ERC2: variants seen among roughly 807,000 people sequenced by gnomAD.
The protein encoded by ERC2 is ELKS/RAB6-interacting/CAST family member 2.
A neutral mutation model predicts 114.8 loss-of-function variants in ERC2; 42 were observed. The ratio of observed to expected loss-of-function variants is 0.37; its 90% CI spans 0.29 to 0.47. The LOEUF is 0.47. Ranked by LOEUF, ERC2 falls within the 20% of genes least tolerant of loss-of-function variation. The probability of loss-of-function intolerance (pLI) is 0.99; values close to 1 mark genes in which losing one functional copy is unlikely to be tolerated. For synonymous variants in ERC2, 454 were observed against 425.5 expected (o/e 1.07, Z -0.82); for missense variants, 939 against 1,150.7 (o/e 0.82, Z 2.66).
At chr3:56,018,138 C>T (rs1420357524) in intron 8 of ERC2, among the ~76,000 whole-genome samples, 2 of 152,182 alleles carry the variant, frequency 1.3e-5, no homozygotes, top group East Asian at 1.9e-4. Context: ...GATAACATTA[C>T]ATCTACTATT....
intron 3 of ERC2, 30 bp downstream of exon 3, chr3:56,295,989 G>A: frequency 1.3e-6 from 2 of 1,525,446 alleles, no homozygotes; most frequent in Non-Finnish European, 1.8e-6. Context: ...ATAAATTAAG[G>A]CTTTGGGGAA....
Position 55,950,430 on chromosome 3 carries a change from A to C in ERC2, c.2398T>G (p.Leu800Val). 6.2e-7 allele frequency: 1 copy of C among 1,614,016 alleles called. No individual in the cohort carries two copies. Among genetic ancestry groups the C allele is most frequent in the Non-Finnish European group, 8.5e-7 (1 of 1,179,892 alleles). Residue 800 changes from leucine (L) to valine (V), a missense_variant, in exon 13 of 18, where the codon TTG becomes GTG. Around this residue, in one of 5 missense-constraint regions of ERC2, gnomAD observed 328 missense variants for 353.9 expected, o/e 0.93. Transcript: ENST00000288221. ...GAAGAGAAGCCTGTGCTTACCTGCAAATGCTGTGAGTTGTCAGCCATGCTG... is the reference window on the plus strand; with the variant it reads ...GAAGAGAAGCCTGTGCTTACCTGCACATGCTGTGAGTTGTCAGCCATGCTG... ...EDSMADNSQH[L>V]QIEELMNALE...
chr3:56,222,159 G>A (rs1442291591), intron 3 of ERC2, among the ~76,000 whole-genome samples: 1 of 152,170 alleles, frequency 6.6e-6, no homozygotes, highest in Admixed American at 6.5e-5. Flanking sequence ...GAAAATTACT[G>A]AGGGTACTAC....
In ERC2 at chr3:56,338,360, CTT is replaced by C. The variant is rs564717939; in HGVS notation, c.658-41927_658-41926del. The stretch of plus-strand genomic sequence containing the variant: ...GCCTGCCTCATCTAATCCAGGCCCT[CTT>C]TTCAGGAACGTCAGAGAACTGTGGT... On this transcript the variant is annotated intron_variant, in intron 2 of 17. Transcript: ENST00000288221. 2.0e-5 allele frequency among the ~76,000 whole-genome samples: 3 copies of C among 152,368 alleles called. No homozygotes were observed. The East Asian group carries it at 5.8e-4, about 29-fold the overall frequency.
At chr3:55,650,105 T>C (rs1357459183) in intron 17 of ERC2, among the ~76,000 whole-genome samples, 1 of 152,172 alleles carries the variant, frequency 6.6e-6, no homozygotes, top group Non-Finnish European at 1.5e-5. Flanking sequence ...CCTGGCTATT[T>C]ATGACTGGAA....
chr3:56,043,808 C>T (rs866300203), intron 7 of ERC2, among the ~76,000 whole-genome samples: 1 of 152,218 alleles, frequency 6.6e-6, no homozygotes, highest in Middle Eastern at 3.4e-3. Context: ...TTGCAACTAA[C>T]TTTAAAATTC....
intron 16 of ERC2, among the ~76,000 whole-genome samples, chr3:55,688,941 C>T (rs1308146427): frequency 6.6e-6 from 1 of 152,202 alleles, no homozygotes; most frequent in Non-Finnish European, 1.5e-5. Context: ...CTCTTCCCCT[C>T]TTCTATCGCA....
At chr3:56,289,043 G>A (rs528157316) in intron 3 of ERC2, among the ~76,000 whole-genome samples, 24 of 152,126 alleles carry the variant, frequency 1.6e-4, no homozygotes, top group Non-Finnish European at 2.9e-4. Flanking sequence ...TTGTGTACTT[G>A]GGCAGAACGT....
chr3:56,260,862 A>G (rs951481490), intron 3 of ERC2, among the ~76,000 whole-genome samples: 1 of 152,026 alleles, frequency 6.6e-6, no homozygotes, highest in South Asian at 2.1e-4. Context: ...ATGACCCACA[A>G]CCCTTTAGTG....
At chr3:56,189,632 C>G (rs2083862052) in intron 3 of ERC2, among the ~76,000 whole-genome samples, 1 of 152,206 alleles carries the variant, frequency 6.6e-6, no homozygotes, top group South Asian at 2.1e-4. Context: ...CAAGTCCGGG[C>G]CAATCCCCCT....
intron 3 of ERC2, among the ~76,000 whole-genome samples, chr3:56,222,621 G>A (rs1385124507): frequency 6.6e-6 from 1 of 152,014 alleles, no homozygotes; most frequent in Non-Finnish European, 1.5e-5. Context: ...CTAATTTTTG[G>A]CTCCCCTAGA....
chr3:56,095,064 G>A (rs1445402894), intron 6 of ERC2, among the ~76,000 whole-genome samples: 1 of 152,088 alleles, frequency 6.6e-6, no homozygotes, highest in Non-Finnish European at 1.5e-5. Flanking sequence ...GCAAGCCTGA[G>A]CAACGTAGCA....
intron 3 of ERC2, among the ~76,000 whole-genome samples, chr3:56,226,275 T>C (rs1225605868): frequency 1.3e-5 from 2 of 152,188 alleles, no homozygotes; most frequent in Non-Finnish European, 2.9e-5. Flanking sequence ...TTGTTTTTAA[T>C]TAATCCTCTG....
At chr3:56,273,649 A>C (rs1264363838) in intron 3 of ERC2, among the ~76,000 whole-genome samples, 5 of 151,970 alleles carry the variant, frequency 3.3e-5, no homozygotes, top group African/African-American at 1.2e-4. Flanking sequence ...CTTTGGGGGT[A>C]ATGATTTGTA....
chr3:55,997,373 T>C (rs891890141), intron 10 of ERC2, among the ~76,000 whole-genome samples: 1 of 151,904 alleles, frequency 6.6e-6, no homozygotes, highest in Non-Finnish European at 1.5e-5. Flanking sequence ...CAGAACAGGG[T>C]ATAGAAACTA....
At chr3:56,228,107 G>A (rs752906218) in intron 3 of ERC2, among the ~76,000 whole-genome samples, 10 of 152,162 alleles carry the variant, frequency 6.6e-5, no homozygotes, top group Non-Finnish European at 1.5e-4. Flanking sequence ...ATGGGGAGGG[G>A]CATAGTGGTC....
chr3:56,202,896 G>C (rs2048487464), intron 3 of ERC2, among the ~76,000 whole-genome samples: 1 of 152,124 alleles, frequency 6.6e-6, no homozygotes, highest in Non-Finnish European at 1.5e-5. Context: ...CACAAAAAAA[G>C]GCAGGTAACT....
intron 2 of ERC2, among the ~76,000 whole-genome samples, chr3:56,324,980 C>A (rs994741737): frequency 2.6e-5 from 4 of 151,890 alleles, no homozygotes; most frequent in Admixed American, 2.0e-4. Context: ...TTCTCCAGGG[C>A]AGTCTTCCTG....
chr3:55,519,430 T>TA (rs1196917486), intron 17 of ERC2, among the ~76,000 whole-genome samples: 1 of 152,186 alleles, frequency 6.6e-6, no homozygotes, highest in East Asian at 1.9e-4. Flanking sequence ...TGATGCTGGC[T>TA]AAAAATCATT....
Sources: allele counts gnomAD v4.1 joint callset (sites outside exome capture counted in the v4.1 genomes callset), GRCh38; gene constraint gnomAD v4.1.1; regional missense constraint gnomAD v4.1.1; transcripts MANE v1.5; gene names NCBI Gene and HGNC (gene_info 2026-07-23, HGNC 2026-07-21).